The following VRK3 variants were observed in gnomAD, a reference collection of about 807,000 sequenced individuals.
VRK3 encodes VRK serine/threonine kinase 3.
A neutral mutation model predicts 60.4 loss-of-function variants in VRK3; 50 were observed. That is an observed-to-expected ratio of 0.83 (90% CI 0.66 to 1.05). VRK3 has a LOEUF of 1.05. Ranked by LOEUF, VRK3 falls within the 50% of genes least tolerant of loss-of-function variation. The pLI is 0.00. For synonymous variants in VRK3, 246 were observed against 227.8 expected (o/e 1.08, Z -0.72); for missense variants, 549 against 585.3 (o/e 0.94, Z 0.64).
chr19:49,985,141 T>C (rs978819978), intron 12 of VRK3, among the ~76,000 whole-genome samples: 20 of 152,036 alleles, frequency 1.3e-4, no homozygotes, highest in African/African-American at 4.1e-4. Context: ...CCCATTAGAG[T>C]GTGTGAGGGA....
intron 9 of VRK3, among the ~76,000 whole-genome samples, chr19:49,993,588 G>A (rs1431039526): frequency 1.3e-5 from 2 of 151,948 alleles, no homozygotes; most frequent in Non-Finnish European, 2.9e-5. Flanking sequence ...TTATTAGAGA[G>A]GGCATTTTGC....
intron 5 of VRK3, among the ~76,000 whole-genome samples, chr19:50,005,929 G>C (rs912023956): frequency 6.7e-6 from 1 of 149,236 alleles, no homozygotes; most frequent in Non-Finnish European, 1.5e-5. Context: ...AAACGTCCTG[G>C]AATTAGATAG....
chr19:50,010,048 TTA>T (rs767619218), intron 3 of VRK3, among the ~76,000 whole-genome samples: 42 of 148,338 alleles, frequency 2.8e-4, no homozygotes, highest in South Asian at 4.3e-4. Flanking sequence ...AATAATTATT[TTA>T]TATATATATA....
At chr19:49,983,063 C>T (rs2076450768) in intron 12 of VRK3, among the ~76,000 whole-genome samples, 1 of 152,134 alleles carries the variant, frequency 6.6e-6, no homozygotes, top group East Asian at 1.9e-4. Context: ...CCTTGCTGGC[C>T]TCCTGTGTAT....
intron 7 of VRK3, among the ~76,000 whole-genome samples, chr19:49,995,947 G>A (rs946313787): frequency 1.3e-5 from 2 of 151,278 alleles, no homozygotes; most frequent in African/African-American, 4.9e-5. Flanking sequence ...TTTTGAGATG[G>A]AGTCTTCGTC....
In VRK3 at chr19:49,995,249, T is replaced by C. The variant is rs1357950227; in HGVS notation, c.706A>G (p.Thr236Ala). ...CAGGTAGGGATGGCCAGCAGTGGGGTCGAGTACAGCTTCTTCCACTTGTTG... is the reference window on the plus strand; with the variant it reads ...CAGGTAGGGATGGCCAGCAGTGGGGCCGAGTACAGCTTCTTCCACTTGTTG... ...QVNKWKKLYS[T>A]PLLAIPTCMG... is the part of the protein sequence containing the mutation. The change falls in exon 8 of 15, where the codon ACC becomes GCC. Residue 236 changes from threonine to alanine, a missense_variant. Coordinates refer to ENST00000316763, the MANE Select transcript of VRK3 (RefSeq NM_016440.4). The C allele has an allele frequency of 6.2e-7, 1 of 1,613,912 alleles. No homozygotes were observed. The highest frequency in any genetic ancestry group is 1.1e-5 in the South Asian group (1 of 91,052).
chr19:49,997,688 A>G, intron 6 of VRK3, 118 bp from the exon 7 acceptor site: 1 of 1,096,556 alleles, frequency 9.1e-7, no homozygotes, highest in Non-Finnish European at 1.3e-6. Context: ...AAGTCCCCAC[A>G]TCGGAGCCAA....
intron 7 of VRK3, among the ~76,000 whole-genome samples, chr19:49,996,532 A>T (rs1395236816): frequency 3.3e-5 from 5 of 152,216 alleles, no homozygotes; most frequent in Non-Finnish European, 5.9e-5. Context: ...ATCACAGGAC[A>T]TGTAGGAAAT....
chr19:49,991,144 A>T (rs1291507543), intron 10 of VRK3, among the ~76,000 whole-genome samples: 1 of 152,128 alleles, frequency 6.6e-6, no homozygotes, highest in East Asian at 1.9e-4. Context: ...GTGCCCAGAC[A>T]TTTGGCCAAA....
At chr19:49,989,096 C>T (rs1422518476) in intron 11 of VRK3, among the ~76,000 whole-genome samples, 1 of 152,150 alleles carries the variant, frequency 6.6e-6, no homozygotes, top group Admixed American at 6.5e-5. Context: ...GGGTGCCATC[C>T]CTGTACTGGG....
At chr19:50,010,108 TACAC>T (rs1302379712) in intron 3 of VRK3, among the ~76,000 whole-genome samples, 1 of 152,108 alleles carries the variant, frequency 6.6e-6, no homozygotes, top group Non-Finnish European at 1.5e-5. Flanking sequence ...TGTATATATA[TACAC>T]ACATACACAT....
intron 10 of VRK3, among the ~76,000 whole-genome samples, chr19:49,990,826 G>A (rs1054733657): frequency 1.3e-5 from 2 of 150,788 alleles, no homozygotes; most frequent in Non-Finnish European, 1.5e-5. Flanking sequence ...ACTGGGTCAC[G>A]CAGGTTGGAG....
chr19:49,981,239 T>G (rs572084170), intron 12 of VRK3: 1 of 576,786 alleles, frequency 1.7e-6, no homozygotes, highest in African/African-American at 1.9e-5. Flanking sequence ...GCCACACGAT[T>G]TTCCCCGATC....
intron 13 of VRK3, among the ~76,000 whole-genome samples, chr19:49,980,389 G>A (rs1187216203): frequency 6.6e-6 from 1 of 152,122 alleles, no homozygotes; most frequent in Non-Finnish European, 1.5e-5. Flanking sequence ...GCAAGAGGTA[G>A]AATGAGATGT....
At position 49,976,748 on chromosome 19, in the gene VRK3, T is replaced by A. The variant is rs2076336733; in HGVS notation, c.*48A>T. The A allele has an allele frequency of 9.0e-5, 8 of 88,456 alleles. No homozygotes were observed. The South Asian group carries it at 2.3e-3, about 25-fold the overall frequency. The allele number at this position is 88,456 out of a possible 1,614,324, so 5.5% of individuals were successfully genotyped here. The stretch of plus-strand genomic sequence containing the variant: ...GCAGGCCTTGAGTCACATTACTTCA[T>A]TTTTTTTTTTCTGTTGCACACTGCA... On this transcript the variant is annotated 3_prime_UTR_variant, in exon 15 of 15. Coordinates refer to ENST00000316763, the MANE Select transcript of VRK3 (RefSeq NM_016440.4).
rs1215006624 is a variant in VRK3, at chr19:49,994,826, C to T, written c.858G>A (p.Val286=). 1.2e-6 allele frequency: 2 copies of T among 1,613,350 alleles called. No individual in the cohort carries two copies. The highest frequency in any genetic ancestry group is 1.7e-6 in the Non-Finnish European group (2 of 1,179,654). The stretch of plus-strand genomic sequence containing the variant: ...TCTGGGTACGCACCAGCCGGCAGGC[C>T]ACCTGCAGCACAGACCTCTCTGACA... The part of the protein sequence containing the change: ...HVLSERSVLQ[V]ACRLLDALEF... Residue 286 remains valine, a synonymous_variant, in exon 9 of 15, where the codon GTG becomes GTA. Coordinates refer to ENST00000316763, the MANE Select transcript of VRK3 (RefSeq NM_016440.4).
chr19:49,986,738 C>T (rs1272497427), intron 12 of VRK3: 1 of 152,214 alleles, frequency 6.6e-6, no homozygotes, highest in Admixed American at 6.5e-5. Context: ...CTGGAGGGTT[C>T]ACCCTCTTCC....
intron 3 of VRK3, among the ~76,000 whole-genome samples, chr19:50,013,626 C>G (rs1369672383): frequency 6.6e-6 from 1 of 152,176 alleles, no homozygotes; most frequent in Non-Finnish European, 1.5e-5. Flanking sequence ...GGGCTTGGGC[C>G]TTCCAGTGAG....
At chr19:50,010,272 G>A (rs944873565) in intron 3 of VRK3, among the ~76,000 whole-genome samples, 2 of 151,932 alleles carry the variant, frequency 1.3e-5, no homozygotes, top group Non-Finnish European at 2.9e-5. Context: ...AATGTATTAA[G>A]CATGCTTTGT....
Sources: allele counts gnomAD v4.1 joint callset (sites outside exome capture counted in the v4.1 genomes callset), GRCh38; gene constraint gnomAD v4.1.1; transcripts MANE v1.5; gene names NCBI Gene and HGNC (gene_info 2026-07-23, HGNC 2026-07-21).